ARB2A: variants seen among roughly 807,000 people sequenced by gnomAD.
ARB2A encodes cotranscriptional regulator ARB2A.
At chr5:93,996,628 T>C in the ARB2A span, among the ~76,000 whole-genome samples, 1 of 152,114 alleles carries the variant, frequency 6.6e-6, no homozygotes, top group Non-Finnish European at 1.5e-5. Context: ...ATCTCCAATG[T>C]TACATACTAC....
chr5:93,957,483 C>T, the ARB2A span, among the ~76,000 whole-genome samples: 2 of 151,752 alleles, frequency 1.3e-5, no homozygotes, highest in Admixed American at 6.6e-5. Flanking sequence ...ACCTGAAATC[C>T]GAAACAGTTT....
the ARB2A span, among the ~76,000 whole-genome samples, chr5:93,904,452 G>A: frequency 6.6e-6 from 1 of 151,710 alleles, no homozygotes; most frequent in Non-Finnish European, 1.5e-5. Flanking sequence ...AAGGCCTATG[G>A]AAAACATAGC....
chr5:93,831,704 C>T, the ARB2A span, among the ~76,000 whole-genome samples: 1 of 152,070 alleles, frequency 6.6e-6, no homozygotes, highest in Non-Finnish European at 1.5e-5. Context: ...GGGAAAGTGC[C>T]GGCCAGGCCC....
the ARB2A span, among the ~76,000 whole-genome samples, chr5:93,895,100 G>C: frequency 6.6e-6 from 1 of 152,102 alleles, no homozygotes; most frequent in East Asian, 1.9e-4. Context: ...CTCAACAAAG[G>C]GCTGCTGTAT....
At chr5:94,040,467 T>C in the ARB2A span, among the ~76,000 whole-genome samples, 1 of 151,948 alleles carries the variant, frequency 6.6e-6, no homozygotes, top group Admixed American at 6.6e-5. Context: ...ACTCGTCATT[T>C]GCATTAGGTA....
At chr5:93,997,747 A>G in the ARB2A span, among the ~76,000 whole-genome samples, 364 of 152,080 alleles carry the variant, frequency 2.4e-3, 1 homozygote, top group African/African-American at 8.6e-3. Flanking sequence ...AAATAAGCCA[A>G]ACACAACTTT....
the ARB2A span, among the ~76,000 whole-genome samples, chr5:93,723,750 A>G: frequency 6.6e-6 from 1 of 152,082 alleles, no homozygotes; most frequent in Non-Finnish European, 1.5e-5. Context: ...GTTTTTAAAA[A>G]GGGATAATGA....
the ARB2A span, among the ~76,000 whole-genome samples, chr5:94,002,795 T>C: frequency 6.6e-6 from 1 of 151,810 alleles, no homozygotes; most frequent in Non-Finnish European, 1.5e-5. Flanking sequence ...TTATAAGAAA[T>C]CACAAAACTA....
chr5:94,067,243 G>A, the ARB2A span, among the ~76,000 whole-genome samples: 1 of 152,106 alleles, frequency 6.6e-6, no homozygotes, highest in Admixed American at 6.5e-5. Flanking sequence ...CATAATGAAT[G>A]GAGAAAAGTT....
the ARB2A span, among the ~76,000 whole-genome samples, chr5:93,914,881 G>A: frequency 2.0e-5 from 3 of 151,850 alleles, no homozygotes; most frequent in African/African-American, 4.8e-5. Context: ...ATGCTGCTTC[G>A]ATAATCAGGG....
chr5:93,699,270 G>C, the ARB2A span, among the ~76,000 whole-genome samples: 1 of 152,170 alleles, frequency 6.6e-6, no homozygotes, highest in Non-Finnish European at 1.5e-5. Context: ...GTGATAATTT[G>C]TTAATGAATA....
chr5:93,639,669 AC>A, the ARB2A span, among the ~76,000 whole-genome samples: 1 of 152,194 alleles, frequency 6.6e-6, no homozygotes, highest in Non-Finnish European at 1.5e-5. Flanking sequence ...GATGGGATTG[AC>A]TACTTAATCC....
At chr5:93,682,930 C>G in the ARB2A span, 12 of 1,577,042 alleles carry the variant, frequency 7.6e-6, 1 homozygote, top group South Asian at 1.3e-4. Context: ...ATTTGGCTTC[C>G]ACTTTGGGAA....
chr5:93,699,999 A>G, the ARB2A span, among the ~76,000 whole-genome samples: 1 of 152,064 alleles, frequency 6.6e-6, no homozygotes, highest in Non-Finnish European at 1.5e-5. Context: ...GTGAGGAAAT[A>G]ACATTTTTTG....
the ARB2A span, among the ~76,000 whole-genome samples, chr5:94,083,837 C>T: frequency 2.8e-5 from 4 of 142,026 alleles, no homozygotes; most frequent in Non-Finnish European, 4.7e-5. Context: ...AAAAAAAAAA[C>T]AAGAATCTCT....
the ARB2A span, among the ~76,000 whole-genome samples, chr5:93,722,015 A>G: frequency 6.6e-6 from 1 of 152,076 alleles, no homozygotes; most frequent in Non-Finnish European, 1.5e-5. Context: ...CACTTTCTCT[A>G]TTTGCCTAGT....
At chr5:93,628,016 C>T in the ARB2A span, among the ~76,000 whole-genome samples, 1 of 149,620 alleles carries the variant, frequency 6.7e-6, no homozygotes, top group South Asian at 2.1e-4. Flanking sequence ...CTCTGTTGTT[C>T]CACTCATAGA....
At chr5:93,903,678 C>G in the ARB2A span, among the ~76,000 whole-genome samples, 1 of 151,022 alleles carries the variant, frequency 6.6e-6, no homozygotes, top group Non-Finnish European at 1.5e-5. Flanking sequence ...ACAAATCAAC[C>G]ATCAACTGTT....
chr5:93,880,841 A>G, the ARB2A span, among the ~76,000 whole-genome samples: 5 of 151,720 alleles, frequency 3.3e-5, no homozygotes, highest in Admixed American at 6.6e-5. Context: ...GACAAGAGAA[A>G]AGGACAGAGT....
Sources: allele counts gnomAD v4.1 joint callset (sites outside exome capture counted in the v4.1 genomes callset), GRCh38; gene constraint gnomAD v4.1.1; transcripts MANE v1.5; gene names NCBI Gene and HGNC (gene_info 2026-07-23, HGNC 2026-07-21).